Variants in DIP2C observed in about 807,000 individuals in gnomAD.
The protein encoded by DIP2C is DIP2 acetate--CoA ligase C (putative).
In DIP2C, 33 loss-of-function variants were observed where a neutral mutation model predicts 192.4. The ratio of observed to expected loss-of-function variants is 0.17; its 90% CI spans 0.13 to 0.23. The LOEUF (loss-of-function observed/expected upper bound fraction) is 0.23, where lower values mean the gene tolerates loss of function less well. DIP2C is among the 10% of genes least tolerant of loss of function. DIP2C has a pLI of 1.00. For synonymous variants in DIP2C, 979 were observed against 864.1 expected (o/e 1.13, Z -2.33); for missense variants, 1,537 against 2,110.1 (o/e 0.73, Z 5.32).
chr10:542,403 C>CA (rs1237605568), intron 1 of DIP2C, among the ~76,000 whole-genome samples: 1 of 152,186 alleles, frequency 6.6e-6, no homozygotes, highest in Non-Finnish European at 1.5e-5. Context: ...CTGCTACTTC[C>CA]AACACTGGGG....
intron 26 of DIP2C, 169 bp from the exon 27 acceptor site, chr10:345,279 A>T (rs952445496): frequency 2.7e-6 from 2 of 736,728 alleles, no homozygotes; most frequent in African/African-American, 3.5e-5. Flanking sequence ...CTAGGAGTCT[A>T]GTTGTGGAGG....
intron 35 of DIP2C, chr10:282,176 G>A (rs1954867214): frequency 6.6e-6 from 1 of 152,616 alleles, no homozygotes; most frequent in Non-Finnish European, 1.5e-5. Context: ...TGGAGACATT[G>A]ACTCGGCCTC....
Position 382,756 on chromosome 10 carries a change from T to C in DIP2C, c.1882A>G (p.Ile628Val). The change falls in exon 17 of 37, where the codon ATT becomes GTT. Residue 628 changes from isoleucine to valine, a missense_variant. By Grantham distance (29) the Ile-to-Val change is conservative. Around this residue, in one of 4 missense-constraint regions of DIP2C, gnomAD observed 677 missense variants for 989.9 expected, o/e 0.68. Transcript: ENST00000280886. ...TTGAGAAATGCATCGCAAGAAGAAATAGACCCTAGAGTGAAAGAGGGACAA... is the reference window on the plus strand; with the variant it reads ...TTGAGAAATGCATCGCAAGAAGAAACAGACCCTAGAGTGAAAGAGGGACAA... ...IVADGANPWS[I>V]SSCDAFLNVF... 2 of 1,608,990 alleles carry C rather than the reference T, an allele frequency of 1.2e-6. No homozygotes were observed. The highest frequency in any genetic ancestry group is 2.2e-5 in the East Asian group (1 of 44,824).
intron 3 of DIP2C, among the ~76,000 whole-genome samples, chr10:466,130 T>C (rs1309104412): frequency 6.8e-6 from 1 of 148,074 alleles, no homozygotes; most frequent in Non-Finnish European, 1.5e-5. Context: ...ACTACCTGAC[T>C]TCAAACTTTA....
intron 2 of DIP2C, among the ~76,000 whole-genome samples, chr10:476,813 C>T (rs1843069283): frequency 6.6e-6 from 1 of 152,070 alleles, no homozygotes; most frequent in Admixed American, 6.6e-5. Flanking sequence ...ATTAAGAAAA[C>T]ACGGAAACTG....
chr10:408,609 T>A (rs118053760), intron 9 of DIP2C, among the ~76,000 whole-genome samples: 244 of 152,288 alleles, frequency 1.6e-3, no homozygotes, highest in Non-Finnish European at 2.8e-3. Flanking sequence ...TAACCTAATC[T>A]TGGGGGCATC....
intron 3 of DIP2C, among the ~76,000 whole-genome samples, chr10:449,920 CAAAAAA>C (rs59135780): frequency 1.5e-5 from 2 of 135,928 alleles, no homozygotes; most frequent in African/African-American, 6.0e-5. Context: ...TCAACAACAA[CAAAAAA>C]AAAAAAAAAA....
chr10:401,711 G>C (rs1422990115), intron 9 of DIP2C, among the ~76,000 whole-genome samples: 1 of 146,584 alleles, frequency 6.8e-6, no homozygotes, highest in African/African-American at 2.5e-5. Context: ...GGACAAGTTT[G>C]GTATGTGTTC....
At chr10:399,790 G>A (rs1227064441) in intron 9 of DIP2C, among the ~76,000 whole-genome samples, 1 of 152,214 alleles carries the variant, frequency 6.6e-6, no homozygotes, top group Non-Finnish European at 1.5e-5. Flanking sequence ...GTTCGTGGAG[G>A]CTGACTATGA....
At chr10:343,935 G>A (rs1020924189) in intron 28 of DIP2C, among the ~76,000 whole-genome samples, 1 of 152,222 alleles carries the variant, frequency 6.6e-6, no homozygotes, top group African/African-American at 2.4e-5. Context: ...CGTGTATGGG[G>A]TGTAAGAGAG....
intron 1 of DIP2C, among the ~76,000 whole-genome samples, chr10:681,055 G>A (rs1424412475): frequency 6.6e-6 from 1 of 152,066 alleles, no homozygotes; most frequent in Admixed American, 6.5e-5. Context: ...TGTGGCCACG[G>A]AAATTCCAGG....
chr10:630,759 G>C (rs1208417687), intron 1 of DIP2C: 1 of 152,296 alleles, frequency 6.6e-6, no homozygotes, highest in Non-Finnish European at 1.5e-5. Flanking sequence ...TCTTGCTAGG[G>C]GGACAAACAA....
intron 17 of DIP2C, among the ~76,000 whole-genome samples, chr10:373,759 C>T (rs918875850): frequency 1.3e-5 from 2 of 152,166 alleles, no homozygotes; most frequent in African/African-American, 4.8e-5. Flanking sequence ...AAAGAACCTG[C>T]TCTCCATTAT....
At chr10:278,869 A>C (rs992247896) in intron 36 of DIP2C, among the ~76,000 whole-genome samples, 10 of 152,102 alleles carry the variant, frequency 6.6e-5, no homozygotes, top group African/African-American at 2.4e-4. Context: ...TTGGCTGAGG[A>C]GGCCAGAAGG....
intron 4 of DIP2C, among the ~76,000 whole-genome samples, chr10:424,354 G>GTT (rs1564695965): frequency 2.5e-5 from 3 of 121,028 alleles, no homozygotes; most frequent in African/African-American, 1.0e-4. Flanking sequence ...TATCACCTTG[G>GTT]GTTTTTTTTT....
chr10:640,478 CCT>C (rs1285584300), intron 1 of DIP2C, among the ~76,000 whole-genome samples: 1 of 152,208 alleles, frequency 6.6e-6, no homozygotes, highest in African/African-American at 2.4e-5. Context: ...ACTCTGCTCC[CCT>C]CTGTTGGTTT....
chr10:357,312 G>A (rs539166180), intron 23 of DIP2C, among the ~76,000 whole-genome samples: 74 of 152,286 alleles, frequency 4.9e-4, no homozygotes, highest in African/African-American at 1.7e-3. Context: ...CCCCTAACCT[G>A]GGTTTTGAAC....
At position 413,901 on chromosome 10, in the gene DIP2C, C is replaced by A. The variant is rs546884266; in HGVS notation, c.1057+12G>T. ...GGGTGGGCAAAGGGCAGAGAGTGAG[C>A]CTGGGGATTACCGTAAGTGAGGATG... is the stretch of plus-strand genomic sequence containing the variant. On this transcript the variant is annotated intron_variant, in intron 8 of 36. Coordinates refer to ENST00000280886, the MANE Select transcript of DIP2C (RefSeq NM_014974.3). The A allele has an allele frequency of 5.6e-6, 9 of 1,612,108 alleles. No individual in the cohort carries two copies. In the Admixed American group the frequency reaches 1.2e-4, roughly 21 times the overall value.
rs138736928 is a variant in DIP2C, at chr10:579,750, A to G, written c.86-93220T>C. On this transcript the variant is annotated intron_variant, in intron 1 of 36. Coordinates refer to ENST00000280886, the MANE Select transcript of DIP2C (RefSeq NM_014974.3). ...AATACAGCATACATAGGTACACTAT[A>G]ATGTATGTACATGCAGAGCATACAC... 1.6e-4 allele frequency among the ~76,000 whole-genome samples: 25 copies of G among 152,182 alleles called. No homozygotes were observed. In the East Asian group the frequency reaches 4.4e-3, roughly 27 times the overall value.
Sources: gnomAD v4.1 joint callset for allele counts (sites outside exome capture counted in the v4.1 genomes callset) on GRCh38, gnomAD v4.1.1 for gene constraint, gnomAD v4.1.1 regional missense constraint, MANE v1.5 for transcripts, NCBI Gene and HGNC (gene_info 2026-07-23, HGNC 2026-07-21) for gene names.